The following TMPRSS3 variants were observed in gnomAD, a reference collection of about 807,000 sequenced individuals.
TMPRSS3 encodes transmembrane serine protease 3.
TMPRSS3 carries 55 observed loss-of-function variants against 59.6 expected under a neutral mutation model. The ratio of observed to expected loss-of-function variants is 0.92; its 90% confidence interval spans 0.74 to 1.16. TMPRSS3 has a LOEUF of 1.16. Among genes scored for constraint, TMPRSS3 ranks in the 50% most tolerant of loss-of-function variants. The pLI is 0.00. For synonymous variants in TMPRSS3, 257 were observed against 237.7 expected, an observed-to-expected ratio of 1.08 and a Z score of -0.75; for missense variants, 596 against 579.4, an observed-to-expected ratio of 1.03 and a Z score of -0.29.
chr21:42,380,003 C>T (rs750637507), intron 10 of TMPRSS3, 114 bp downstream of exon 10: 50 of 861,626 alleles, frequency 5.8e-5, no homozygotes, highest in African/African-American at 2.5e-4. Flanking sequence ...ACTCCCTGGC[C>T]GGGGTATCTG....
chr21:42,389,398 G>A (rs901734165), intron 3 of TMPRSS3, among the ~76,000 whole-genome samples: 2 of 152,204 alleles, frequency 1.3e-5, no homozygotes, highest in African/African-American at 4.8e-5. Flanking sequence ...CGGCCTTCCT[G>A]GTTTCTCTTA....
intron 12 of TMPRSS3, among the ~76,000 whole-genome samples, chr21:42,375,263 A>G (rs2052404313): frequency 8.9e-6 from 1 of 112,736 alleles, no homozygotes; most frequent in African/African-American, 3.5e-5. Flanking sequence ...GAGCTCCCCA[A>G]GCCTCTCCTG....
chr21:42,383,913 G>C, intron 7 of TMPRSS3, 57 bp downstream of exon 7: 1 of 1,582,246 alleles, frequency 6.3e-7, no homozygotes, highest in Non-Finnish European at 8.7e-7. Flanking sequence ...AGGGCAAGGA[G>C]ATAGGACTTA....
intron 2 of TMPRSS3, among the ~76,000 whole-genome samples, chr21:42,393,592 G>A (rs965545802): frequency 6.6e-6 from 1 of 152,116 alleles, no homozygotes; most frequent in African/African-American, 2.4e-5. Context: ...AAAAAAGAAC[G>A]GGTGAAATAA....
Position 42,390,022 on chromosome 21 carries a change from G to A in TMPRSS3, c.110C>T (p.Ala37Val), listed in dbSNP as rs2052708769. 1 of 1,613,742 alleles carries A rather than the reference G, an allele frequency of 6.2e-7. No individual in the cohort carries two copies. The highest frequency in any genetic ancestry group is 8.5e-7 in the Non-Finnish European group (1 of 1,179,714). Residue 37 changes from alanine (A) to valine (V), a missense_variant, in exon 3 of 13, where the codon GCT becomes GTT. By Grantham distance (64) the Ala-to-Val change is moderately conservative. Transcript: ENST00000644384. ...SPVAPDADAV[A>V]AQILSLLPLK... ...TGGCAGCAGTGACAGGATCTGTGCA[G>A]CAACAGCATCTGCATCTGAAAACCA...
chr21:42,384,951 A>G lies in TMPRSS3; in HGVS notation c.572+458T>C, dbSNP rs139068210. Among the ~76,000 whole-genome samples the G allele has an allele frequency of 6.9e-3, 1,040 of 150,228 alleles. 11 individuals carry two copies. The highest frequency in any genetic ancestry group is 0.024 in the African/African-American group (973 of 40,528). The stretch of plus-strand genomic sequence containing the variant: ...GTTGGGGAAAACATGTAAAATAAAT[A>G]ATGAATGCTAAAATACTTCGTAAAC... On this transcript the variant is annotated intron_variant, in intron 6 of 12. Coordinates refer to ENST00000644384, the MANE Select transcript of TMPRSS3 (RefSeq NM_001256317.3).
intron 5 of TMPRSS3, among the ~76,000 whole-genome samples, chr21:42,387,329 G>A (rs971458760): frequency 1.3e-5 from 2 of 151,898 alleles, no homozygotes; most frequent in African/African-American, 2.4e-5. Flanking sequence ...GAGGCTCAGC[G>A]GGGAAGAGAA....
At chr21:42,395,887 C>T (rs2052800214) in intron 1 of TMPRSS3, 55 bp downstream of exon 1, 1 of 505,696 alleles carries the variant, frequency 2.0e-6, no homozygotes, top group African/African-American at 1.9e-5. Flanking sequence ...AAACGCAATT[C>T]TTTCCCTGTG....
At position 42,387,250 on chromosome 21, in the gene TMPRSS3, C is replaced by G. The variant is rs150413278; in HGVS notation, c.446+1153G>C. 6.1e-3 allele frequency among the ~76,000 whole-genome samples: 922 copies of G among 152,014 alleles called. 4 individuals are homozygous for G. The highest frequency in any genetic ancestry group is 8.3e-3 in the Non-Finnish European group (563 of 67,978). On this transcript the variant is annotated intron_variant, in intron 5 of 12. Coordinates refer to ENST00000644384, the MANE Select transcript of TMPRSS3 (RefSeq NM_001256317.3). ...CAGACAGAGCGGTGGTCCTCCAGGA[C>G]AGAGGAGGAGGGCAGAGAGAAGAGA...
chr21:42,391,654 A>AT (rs927038092), intron 2 of TMPRSS3, among the ~76,000 whole-genome samples: 2 of 152,194 alleles, frequency 1.3e-5, no homozygotes, highest in Admixed American at 1.3e-4. Flanking sequence ...GCTGCTCCAC[A>AT]TGCCTCTGTG....
intron 5 of TMPRSS3, among the ~76,000 whole-genome samples, chr21:42,386,886 T>C (rs2052642822): frequency 6.6e-6 from 1 of 151,686 alleles, no homozygotes; most frequent in Non-Finnish European, 1.5e-5. Flanking sequence ...TTTAAGAAAA[T>C]AGAACAAAAT....
At chr21:42,391,142 GC>G (rs1292310847) in intron 2 of TMPRSS3, among the ~76,000 whole-genome samples, 1 of 152,254 alleles carries the variant, frequency 6.6e-6, no homozygotes, top group Non-Finnish European at 1.5e-5. Flanking sequence ...CGGGGGGCTT[GC>G]AGGCAGAGGT....
rs750410795 is a variant in TMPRSS3, at chr21:42,388,138, A to C, written c.446+265T>G. Among the ~76,000 whole-genome samples, 1 of 152,152 alleles carries C rather than the reference A, an allele frequency of 6.6e-6. No homozygotes were observed. Among genetic ancestry groups the C allele is most frequent in the Non-Finnish European group, 1.5e-5 (1 of 68,008 alleles). ...TTTCTACTTTGAAACTTTTTATTGC[A>C]TGTTCGTATCTCCGATCCTGGCCTG... On this transcript the variant is annotated intron_variant, in intron 5 of 12. Transcript: ENST00000644384. The surrounding 1 kb of genome is among the most constrained non-coding windows in gnomAD (Gnocchi z 5.1).
At chr21:42,385,603 G>A (rs1362916353) in intron 5 of TMPRSS3, 69 bp from the exon 6 acceptor site, 21 of 1,584,202 alleles carry the variant, frequency 1.3e-5, no homozygotes, top group Middle Eastern at 1.7e-4. Flanking sequence ...ACCGATGTGC[G>A]AGTCACAATA....
chr21:42,380,179 T>G lies in TMPRSS3; in HGVS notation c.986A>C (p.Glu329Ala). 6.2e-7 allele frequency: 1 copy of G among 1,614,094 alleles called. No individual in the cohort carries two copies. Among genetic ancestry groups the G allele is most frequent in the Non-Finnish European group, 8.5e-7 (1 of 1,180,002 alleles). The change falls in exon 10 of 13, where the codon GAA becomes GCA. Residue 329 changes from glutamate (E) to alanine (A), a missense_variant. By Grantham distance (107) the Glu-to-Ala change is moderately radical. Transcript: ENST00000644384. ...CACTTTTCCATCGGGGAAGTTCTCTTCAGAGTTGGGCAGGCACACAGGCTG... is the reference window on the plus strand; with the variant it reads ...CACTTTTCCATCGGGGAAGTTCTCTGCAGAGTTGGGCAGGCACACAGGCTG... ...MIQPVCLPNS[E>A]ENFPDGKVCW...
At chr21:42,373,352 C>T (rs2052366049) in intron 12 of TMPRSS3, among the ~76,000 whole-genome samples, 1 of 152,198 alleles carries the variant, frequency 6.6e-6, no homozygotes, top group South Asian at 2.1e-4. Flanking sequence ...GCGCATCTCT[C>T]GCATGCACTG....
In TMPRSS3 at chr21:42,380,229, A is replaced by G; in HGVS notation, c.953-17T>C. 1 of 1,596,760 alleles carries G rather than the reference A, an allele frequency of 6.3e-7. No individual in the cohort carries two copies. Among genetic ancestry groups the G allele is most frequent in the African/African-American group, 1.3e-5 (1 of 74,666 alleles). ...GGATCATTTCTGCTTGAAGGGAAAC[A>G]ATAGTTCACAACTCAATTGAAGCAG... On this transcript the variant is annotated splice_polypyrimidine_tract_variant and intron_variant, in intron 9 of 12. Coordinates refer to ENST00000644384, the MANE Select transcript of TMPRSS3 (RefSeq NM_001256317.3).
chr21:42,393,748 T>C (rs957690499), intron 2 of TMPRSS3, among the ~76,000 whole-genome samples: 1 of 152,248 alleles, frequency 6.6e-6, no homozygotes. Context: ...GACCCCACTC[T>C]GCTGTTATGG....
intron 12 of TMPRSS3, among the ~76,000 whole-genome samples, chr21:42,374,286 G>A (rs2052383799): frequency 6.6e-6 from 1 of 152,230 alleles, no homozygotes; most frequent in East Asian, 1.9e-4. Context: ...CCCAGCCCGA[G>A]CACAGCCCTC....
Sources: gnomAD v4.1 joint callset for allele counts (sites outside exome capture counted in the v4.1 genomes callset) on GRCh38, gnomAD v4.1.1 for gene constraint, Gnocchi (gnomAD v3.1) non-coding constraint, MANE v1.5 for transcripts, NCBI Gene and HGNC (gene_info 2026-07-23, HGNC 2026-07-21) for gene names.